Variants in MSR1 observed in about 807,000 individuals in gnomAD.
The protein encoded by MSR1 is macrophage scavenger receptor types I and II.
A neutral mutation model predicts 47.2 loss-of-function variants in MSR1; 53 were observed. That is an observed-to-expected ratio of 1.12 (90% CI 0.90 to 1.41). The LOEUF is 1.41. Ranked by LOEUF, MSR1 falls within the 40% of genes most tolerant of loss-of-function variation. The probability of loss-of-function intolerance (pLI) is 0.00; values close to 1 mark genes in which losing one functional copy is unlikely to be tolerated. For synonymous variants in MSR1, 239 were observed against 185.6 expected, an observed-to-expected ratio of 1.29 and a Z score of -2.34; for missense variants, 786 against 546.9, an observed-to-expected ratio of 1.44 and a Z score of -4.36.
rs184324205 is a variant in MSR1 at position 16,164,261 on chromosome 8, A to G, written c.631-10T>C. ...CTAATTTACTGATTTCCTGTAAAAC[A>G]TAAGTGAGCATTCACAGCCTTTGTT... On this transcript the variant is annotated splice_polypyrimidine_tract_variant and intron_variant, in intron 4 of 9. Coordinates refer to ENST00000262101, the MANE Select transcript of MSR1 (RefSeq NM_138715.3). 6 of 1,608,208 alleles carry G rather than the reference A, an allele frequency of 3.7e-6. No individual in the cohort carries two copies. Among genetic ancestry groups the G allele is most frequent in the East Asian group, 2.2e-5 (1 of 44,686 alleles).
rs191944700 is a variant in MSR1, at chr8:16,122,899, T to C, written c.1034-2293A>G. Among the ~76,000 whole-genome samples, 1,199 of 135,280 alleles carry C rather than the reference T, an allele frequency of 8.9e-3. 15 individuals are homozygous for C. Among genetic ancestry groups the C allele is most frequent in the African/African-American group, 0.03 (1,114 of 37,540 alleles). 88.7% of individuals were successfully genotyped at this position (135,280 alleles called of 152,430 possible). A position where few individuals can be genotyped will look rare whatever the true frequency, so the allele number is the denominator to read the frequency against. On this transcript the variant is annotated intron_variant, in intron 8 of 9. Transcript: ENST00000262101. ...TCTTGCTGTCTCCCAGGCTGGAGTGTAGTGGCGCGATCTCGGCTCACTGCA... is the reference window on the plus strand; with the variant it reads ...TCTTGCTGTCTCCCAGGCTGGAGTGCAGTGGCGCGATCTCGGCTCACTGCA...
intron 1 of MSR1, chr8:16,186,015 C>A (rs1224640517): frequency 7.2e-6 from 5 of 692,058 alleles, no homozygotes; most frequent in Non-Finnish European, 1.2e-5. Flanking sequence ...TCGTGGCCTG[C>A]AAGAAATCCA....
intron 1 of MSR1, among the ~76,000 whole-genome samples, chr8:16,184,664 G>C (rs1387648409): frequency 6.6e-6 from 1 of 152,128 alleles, no homozygotes; most frequent in Non-Finnish European, 1.5e-5. Flanking sequence ...TTTATTGTTT[G>C]CTTTGGCAGT....
intron 1 of MSR1, among the ~76,000 whole-genome samples, chr8:16,180,120 C>T (rs560785405): frequency 6.6e-6 from 1 of 151,426 alleles, no homozygotes; most frequent in Non-Finnish European, 1.5e-5. Context: ...CTCTCTCTCT[C>T]CCCTTCTCCC....
Position 16,110,028 on chromosome 8 carries a change from G to A in MSR1, c.*57C>T, listed in dbSNP as rs528859378. ...GATTAAATGGATTTTACAGGAACAA[G>A]GTAATAAAATCATTTTTGAGCAGCG... On this transcript the variant is annotated 3_prime_UTR_variant, in exon 10 of 10. Transcript: ENST00000262101. 1.1e-5 allele frequency: 18 copies of A among 1,594,776 alleles called. No individual in the cohort carries two copies. The East Asian group carries it at 3.4e-4, about 30-fold the overall frequency.
intron 9 of MSR1, among the ~76,000 whole-genome samples, chr8:16,117,595 C>T (rs1330074971): frequency 6.6e-6 from 1 of 152,104 alleles, no homozygotes; most frequent in Non-Finnish European, 1.5e-5. Flanking sequence ...CTGGATTAAA[C>T]TTTCGAAGCA....
At position 16,108,778 on chromosome 8, in the gene MSR1, G is replaced by C. The variant is rs1281216143; in HGVS notation, c.*1307C>G. 2 of 152,114 alleles carry C rather than the reference G, an allele frequency of 1.3e-5. No homozygotes were observed. The highest frequency in any genetic ancestry group is 4.8e-5 in the African/African-American group (2 of 41,428). The allele number at this position is 152,114 out of a possible 1,614,324, so 9.4% of individuals were successfully genotyped here. On this transcript the variant is annotated 3_prime_UTR_variant, in exon 10 of 10. Coordinates refer to ENST00000262101, the MANE Select transcript of MSR1 (RefSeq NM_138715.3). ...TTTTGCCTTTTTAAGTTGGACGGCTGTGAGTCTACCACTTGGTTATTATGT... is the reference window on the plus strand; with the variant it reads ...TTTTGCCTTTTTAAGTTGGACGGCTCTGAGTCTACCACTTGGTTATTATGT...
In MSR1 at chr8:16,189,303, T is replaced by TATATATAAAATCTTATTTATATTTC. The variant is rs1416184026; in HGVS notation, c.-5+3294_-5+3295insGAAATATAAATAAGATTTTATATAT. On this transcript the variant is annotated intron_variant, in intron 1 of 9. Transcript: ENST00000262101. ...TATATAAAATCTTATTTACATTTCA[T>TATATATAAAATCTTATTTATATTTC]ATATATATAAAATCTTATTTACATT... 3.2e-3 allele frequency among the ~76,000 whole-genome samples: 301 copies of TATATATAAAATCTTATTTATATTTC among 94,772 alleles called. 19 individuals are homozygous for TATATATAAAATCTTATTTATATTTC. Among genetic ancestry groups the TATATATAAAATCTTATTTATATTTC allele is most frequent in the African/African-American group, 0.019 (283 of 15,122 alleles). 62.2% of individuals were successfully genotyped at this position (94,772 alleles called of 152,430 possible).
chr8:16,139,434 G>T, intron 8 of MSR1: 2 of 959,176 alleles, frequency 2.1e-6, no homozygotes, highest in Non-Finnish European at 2.5e-6. Context: ...ACAAGAGTGG[G>T]AATAAAAATG....
At chr8:16,187,743 G>C (rs991924200) in intron 1 of MSR1, among the ~76,000 whole-genome samples, 2 of 152,136 alleles carry the variant, frequency 1.3e-5, no homozygotes, top group Non-Finnish European at 2.9e-5. Flanking sequence ...GTTCACTAAA[G>C]TAGGGATTTT....
At chr8:16,189,176 T>A (rs1188964610) in intron 1 of MSR1, among the ~76,000 whole-genome samples, 2 of 144,368 alleles carry the variant, frequency 1.4e-5, no homozygotes, top group Non-Finnish European at 3.0e-5. Context: ...ATTTTACATA[T>A]ATTTCATATA....
At chr8:16,118,470 G>C (rs1404051278) in intron 9 of MSR1, among the ~76,000 whole-genome samples, 1 of 152,122 alleles carries the variant, frequency 6.6e-6, no homozygotes, top group African/African-American at 2.4e-5. Flanking sequence ...GGGTGGCGTG[G>C]CTCACACCTG....
intron 1 of MSR1, among the ~76,000 whole-genome samples, chr8:16,188,810 C>A (rs933497537): frequency 1.3e-4 from 19 of 151,842 alleles, no homozygotes; most frequent in South Asian, 2.1e-4. Flanking sequence ...TGGTTTCCAG[C>A]TTCATCCATG....
chr8:16,134,556 G>C (rs951044695), intron 8 of MSR1, among the ~76,000 whole-genome samples: 1 of 151,962 alleles, frequency 6.6e-6, no homozygotes, highest in African/African-American at 2.4e-5. Context: ...CTCTCCTCAG[G>C]CATCCCTATT....
chr8:16,133,128 G>GA (rs1274030963), intron 8 of MSR1, among the ~76,000 whole-genome samples: 1 of 151,938 alleles, frequency 6.6e-6, no homozygotes, highest in Non-Finnish European at 1.5e-5. Flanking sequence ...ACAGTTTGTG[G>GA]AAAAAAGCAA....
chr8:16,189,303 T>TATATATAAAATCTTATTTACATTTC (rs1416184026), intron 1 of MSR1, among the ~76,000 whole-genome samples: 1 of 94,846 alleles, frequency 1.1e-5, no homozygotes, highest in African/African-American at 6.6e-5. Flanking sequence ...TTACATTTCA[T>TATATATAAAATCTTATTTACATTTC]ATATATATAA....
intron 6 of MSR1, among the ~76,000 whole-genome samples, chr8:16,151,235 C>T (rs13273460): frequency 7.2e-5 from 11 of 151,974 alleles, no homozygotes; most frequent in Admixed American, 2.6e-4. Flanking sequence ...CAGAGAAGCC[C>T]CTCCAATGCT....
At chr8:16,153,870 C>T (rs973091150) in intron 6 of MSR1, among the ~76,000 whole-genome samples, 1 of 151,942 alleles carries the variant, frequency 6.6e-6, no homozygotes, top group African/African-American at 2.4e-5. Flanking sequence ...TTGTTAATAT[C>T]TGATTAGCAT....
rs374985485 is a variant in MSR1, at chr8:16,143,559, T to C, written c.1032A>G (p.Leu344=). ...QKGEKGSGNT[L]TPFTKVRLVG... ...GAAAACAAAATACTATATACTTACT[T>C]AATGTGTTTCCACTCCCCTTTTCCC... is the stretch of plus-strand genomic sequence containing the variant. The change falls in exon 8 of 10, where the codon TTA becomes TTG. Residue 344 remains leucine (L), a splice_region_variant and synonymous_variant. Coordinates refer to ENST00000262101, the MANE Select transcript of MSR1 (RefSeq NM_138715.3). 8 of 1,611,220 alleles carry C rather than the reference T, an allele frequency of 5.0e-6. No individual in the cohort carries two copies. Among genetic ancestry groups the C allele is most frequent in the South Asian group, 1.1e-5 (1 of 91,024 alleles).
Sources: gnomAD v4.1 joint callset for allele counts (sites outside exome capture counted in the v4.1 genomes callset) on GRCh38, gnomAD v4.1.1 for gene constraint, MANE v1.5 for transcripts, NCBI Gene and HGNC (gene_info 2026-07-23, HGNC 2026-07-21) for gene names.